The following SLC17A4 variants were observed in gnomAD, a reference collection of about 807,000 sequenced individuals.
SLC17A4 encodes probable small intestine urate exporter.
A neutral mutation model predicts 52.5 loss-of-function variants in SLC17A4; 33 were observed. The observed-to-expected ratio is 0.63, with a 90% CI of 0.48 to 0.84. The LOEUF (loss-of-function observed/expected upper bound fraction) is 0.84. Ranked by LOEUF, SLC17A4 falls within the 40% of genes least tolerant of loss-of-function variation. SLC17A4 has a pLI of 0.00. For synonymous variants in SLC17A4, 225 were observed against 216.2 expected (o/e 1.04, Z -0.36); for missense variants, 585 against 597.1 (o/e 0.98, Z 0.21).
Position 25,777,921 on chromosome 6 carries a change from C to T in SLC17A4, c.1269-5C>T. 6.2e-7 allele frequency: 1 copy of T among 1,607,864 alleles called. No homozygotes were observed. The highest frequency in any genetic ancestry group is 8.5e-7 in the Non-Finnish European group (1 of 1,174,822). The stretch of plus-strand genomic sequence containing the variant: ...TTATAATAGAGTACCATCTCTCTCT[C>T]TCAGGTACACTGGCTTTCTCAAAGG... On this transcript the variant is annotated splice_polypyrimidine_tract_variant and splice_region_variant and intron_variant, in intron 10 of 11. Transcript: ENST00000377905.
intron 3 of SLC17A4, 32 bp from the exon 4 acceptor site, chr6:25,770,035 A>G (rs988568973): frequency 1.3e-5 from 21 of 1,595,886 alleles, no homozygotes; most frequent in Non-Finnish European, 1.7e-5. Flanking sequence ...TCCTTCAACT[A>G]AAGACAAACA....
At chr6:25,755,842 C>T (rs1360543453) in intron 1 of SLC17A4, among the ~76,000 whole-genome samples, 3 of 152,184 alleles carry the variant, frequency 2.0e-5, no homozygotes, top group Non-Finnish European at 4.4e-5. Flanking sequence ...CTGCTCATTT[C>T]GCCAACTTCT....
intron 2 of SLC17A4, among the ~76,000 whole-genome samples, chr6:25,765,815 AAC>A (rs1761961082): frequency 6.6e-6 from 1 of 152,154 alleles, no homozygotes; most frequent in South Asian, 2.1e-4. Flanking sequence ...AGAAAAATGA[AAC>A]AGACAACTTA....
At chr6:25,762,081 T>C (rs1761589772) in intron 2 of SLC17A4, 28 bp downstream of exon 2, 12 of 1,583,732 alleles carry the variant, frequency 7.6e-6, no homozygotes, top group Non-Finnish European at 1.0e-5. Flanking sequence ...AATCTGGTAG[T>C]AAATAAAACT....
intron 2 of SLC17A4, among the ~76,000 whole-genome samples, chr6:25,762,604 G>C (rs1420433845): frequency 1.3e-5 from 2 of 152,074 alleles, no homozygotes; most frequent in Non-Finnish European, 2.9e-5. Context: ...TAAGGATATA[G>C]TCATTTCATA....
At chr6:25,758,838 G>T (rs12212049) in intron 1 of SLC17A4, among the ~76,000 whole-genome samples, 48,325 of 151,864 alleles carry the variant, frequency 0.32, 9,162 homozygotes, top group South Asian at 0.44. Context: ...CTTCTGCTGG[G>T]TTTGGGTTTG....
intron 1 of SLC17A4, among the ~76,000 whole-genome samples, chr6:25,755,281 G>A (rs942026550): frequency 3.9e-5 from 6 of 152,100 alleles, no homozygotes; most frequent in African/African-American, 1.4e-4. Context: ...TGGTTCCAGC[G>A]AATTTATGGG....
At position 25,779,126 on chromosome 6, in the gene SLC17A4, C is replaced by T. The variant is rs766394398; in HGVS notation, c.1432C>T (p.Leu478Phe). Residue 478 changes from leucine (L) to phenylalanine (F), a missense_variant, in exon 12 of 12, where the codon CTC becomes TTC. Transcript: ENST00000377905. ...TAACATATCGGGCCTGGTTTTCTAC[C>T]TCATCTTTGGCCGAGCAGATGTGCA... The part of the protein sequence containing the change: ...AVNISGLVFY[L>F]IFGRADVQDW... 3 of 1,613,898 alleles carry T rather than the reference C, an allele frequency of 1.9e-6. No individual in the cohort carries two copies.
chr6:25,754,791 C>T lies in SLC17A4; in HGVS notation c.-37+10C>T, dbSNP rs1760860940. On this transcript the variant is annotated intron_variant, in intron 1 of 11. Transcript: ENST00000377905. ...ACTCTTCCTCCCTCAGGTTAGTTAG[C>T]TTTCAAACTTTTACCCTTAATATTC... 6.6e-6 allele frequency: 1 copy of T among 152,114 alleles called. No individual in the cohort carries two copies. The allele number at this position is 152,114 out of a possible 1,614,324, so 9.4% of individuals were successfully genotyped here.
Position 25,777,902 on chromosome 6 carries a change from T to TA in SLC17A4, c.1269-23dup. 5 of 1,576,146 alleles carry TA rather than the reference T, an allele frequency of 3.2e-6. No homozygotes were observed. In the African/African-American group the frequency reaches 5.4e-5, roughly 17 times the overall value. ...CAAACGTAGGTATACTTGGTTATAA[T>TA]AGAGTACCATCTCTCTCTCTCAGGT... On this transcript the variant is annotated intron_variant, in intron 10 of 11. Transcript: ENST00000377905.
chr6:25,763,303 A>T (rs1404113397), intron 2 of SLC17A4, among the ~76,000 whole-genome samples: 1 of 151,930 alleles, frequency 6.6e-6, no homozygotes, highest in African/African-American at 2.4e-5. Context: ...TGCTACTAAC[A>T]CTCATCCTGT....
chr6:25,760,749 C>A (rs1191116347), intron 1 of SLC17A4, among the ~76,000 whole-genome samples: 2 of 152,100 alleles, frequency 1.3e-5, no homozygotes, highest in Non-Finnish European at 2.9e-5. Flanking sequence ...TGTCTAGTCA[C>A]TTAGTTTCAA....
intron 2 of SLC17A4, among the ~76,000 whole-genome samples, chr6:25,762,931 TTAA>T (rs1761671480): frequency 6.6e-6 from 1 of 152,172 alleles, no homozygotes; most frequent in Admixed American, 6.6e-5. Flanking sequence ...TCCCTTAAAA[TTAA>T]TAATACGAAG....
At chr6:25,755,534 A>G (rs1299445124) in intron 1 of SLC17A4, among the ~76,000 whole-genome samples, 6 of 149,156 alleles carry the variant, frequency 4.0e-5, no homozygotes, top group Non-Finnish European at 3.0e-5. Context: ...CAGGGTGCAT[A>G]TGAATCCAAA....
Position 25,776,727 on chromosome 6 carries a change from G to T in SLC17A4, c.1120G>T (p.Gly374Trp). 1 of 1,613,942 alleles carries T rather than the reference G, an allele frequency of 6.2e-7. No individual in the cohort carries two copies. Among genetic ancestry groups the T allele is most frequent in the South Asian group, 1.1e-5 (1 of 91,070 alleles). The change falls in exon 9 of 12, where the codon GGG (glycine) becomes TGG (tryptophan). Residue 374 changes from glycine to tryptophan, a missense_variant and splice_region_variant. Gly to Trp is a radical substitution (Grantham distance 184). Transcript: ENST00000377905. ...CATCAGGAAACTCTTCACTGCCATT[G>T]GTAAGGGAGAGACTGGACACAGGGG... ...ITIRKLFTAI[G>W]VLFPSVILVS...
intron 6 of SLC17A4, among the ~76,000 whole-genome samples, chr6:25,771,579 A>G (rs74483398): frequency 9.3e-5 from 1 of 10,770 alleles, no homozygotes; most frequent in Admixed American, 2.5e-3. Flanking sequence ...GTCTCAAGAG[A>G]AAAAAAAAAA....
intron 8 of SLC17A4, among the ~76,000 whole-genome samples, chr6:25,773,910 T>C (rs911766905): frequency 2.0e-5 from 3 of 152,306 alleles, no homozygotes; most frequent in Non-Finnish European, 4.4e-5. Context: ...TACACTATCA[T>C]ATTTTATTAT....
chr6:25,756,915 G>A (rs922765456), intron 1 of SLC17A4, among the ~76,000 whole-genome samples: 2 of 152,188 alleles, frequency 1.3e-5, no homozygotes, highest in Non-Finnish European at 2.9e-5. Flanking sequence ...TAGTTCTTGT[G>A]ACTGATATGA....
At chr6:25,769,544 T>A (rs1415583597) in intron 3 of SLC17A4, among the ~76,000 whole-genome samples, 7 of 146,716 alleles carry the variant, frequency 4.8e-5, no homozygotes, top group African/African-American at 1.8e-4. Context: ...GGTGACAGAG[T>A]GAGATTCTGT....
Sources: allele counts gnomAD v4.1 joint callset (sites outside exome capture counted in the v4.1 genomes callset), GRCh38; gene constraint gnomAD v4.1.1; transcripts MANE v1.5; gene names NCBI Gene and HGNC (gene_info 2026-07-23, HGNC 2026-07-21).